Variants in ZXDC observed in about 807,000 individuals in gnomAD.
ZXDC encodes zinc finger protein ZXDC.
In ZXDC, 58 loss-of-function variants were observed where a neutral mutation model predicts 63.6. The ratio of observed to expected loss-of-function variants is 0.91; its 90% CI spans 0.74 to 1.13. The LOEUF (loss-of-function observed/expected upper bound fraction) is 1.13, where lower values mean the gene tolerates loss of function less well. Among genes scored for constraint, ZXDC ranks in the 50% most tolerant of loss-of-function variants. ZXDC has a pLI of 0.00. For missense variants in ZXDC, 1,133 were observed against 1,148.9 expected, an observed-to-expected ratio of 0.99 and a Z score of 0.20; for synonymous variants, 561 against 496.1, an observed-to-expected ratio of 1.13 and a Z score of -1.74.
In ZXDC at chr3:126,461,667, C is replaced by T. The variant is rs752081213; in HGVS notation, c.1995G>A (p.Ser665=). Residue 665 remains serine (S), a synonymous_variant, in exon 6 of 10, where the codon TCG becomes TCA. Coordinates refer to ENST00000389709, the MANE Select transcript of ZXDC (RefSeq NM_025112.5). The part of the protein sequence containing the change: ...LLAPIKVEPD[S]PSRPGAVGQQ... ...GCCCAACTGCTCCTGGGCGAGAAGGCGAGTCCGGCTCCACCTTGATTGGAG... is the reference window on the plus strand; with the variant it reads ...GCCCAACTGCTCCTGGGCGAGAAGGTGAGTCCGGCTCCACCTTGATTGGAG... The T allele has an allele frequency of 3.1e-6, 5 of 1,613,232 alleles. No individual in the cohort carries two copies. The highest frequency in any genetic ancestry group is 1.3e-5 in the African/African-American group (1 of 74,618).
At chr3:126,451,622 C>A (rs1310866244) in intron 7 of ZXDC, 2 of 985,324 alleles carry the variant, frequency 2.0e-6, no homozygotes, top group Non-Finnish European at 2.4e-6. Flanking sequence ...GGGCTCCTGT[C>A]ACCTGGGAAG....
chr3:126,453,720 G>A, intron 7 of ZXDC: 1 of 983,102 alleles, frequency 1.0e-6, no homozygotes, highest in Non-Finnish European at 1.2e-6. Flanking sequence ...TGGCGAAGGA[G>A]TTTCGCTCTT....
chr3:126,459,814 T>C, intron 6 of ZXDC, 77 bp from the exon 7 acceptor site: 4 of 1,610,530 alleles, frequency 2.5e-6, no homozygotes, highest in Non-Finnish European at 3.4e-6. Flanking sequence ...AGAAGTGCCA[T>C]AAGCCTGCTT....
At chr3:126,453,956 G>A in intron 7 of ZXDC, 3 of 978,932 alleles carry the variant, frequency 3.1e-6, no homozygotes, top group Non-Finnish European at 3.6e-6. Context: ...AGAAAACATA[G>A]TACTGCCTAT....
At chr3:126,474,044 G>A (rs1414648611) in intron 1 of ZXDC, among the ~76,000 whole-genome samples, 3 of 149,478 alleles carry the variant, frequency 2.0e-5, no homozygotes, top group Non-Finnish European at 3.0e-5. Flanking sequence ...ACACACAGGA[G>A]AAAGAACAGG....
intron 8 of ZXDC, chr3:126,440,654 G>A (rs1933640731): frequency 1.0e-6 from 1 of 986,006 alleles, no homozygotes. Flanking sequence ...CTGCTCCTGG[G>A]GAGTTCTTAC....
chr3:126,461,929 A>G lies in ZXDC; in HGVS notation c.1733T>C (p.Leu578Pro), dbSNP rs1404635875. Residue 578 changes from leucine (L) to proline (P), a missense_variant, in exon 6 of 10, where the codon CTG (leucine) becomes CCG (proline). Transcript: ENST00000389709. Reference sequence around the variant, plus strand: ...TGTCCCGAGAACCAGAGGGCTGTCCAGGCTTGGGGGAATATCACTGTGGGC... The same window carrying G: ...TGTCCCGAGAACCAGAGGGCTGTCCGGGCTTGGGGGAATATCACTGTGGGC... ...LVAHSDIPPSLDSPLVLGTAA... is the reference protein window; with the variant it reads ...LVAHSDIPPSPDSPLVLGTAA... 4 of 1,613,994 alleles carry G rather than the reference A, an allele frequency of 2.5e-6. No homozygotes were observed. In the African/African-American group the frequency reaches 5.3e-5, roughly 22 times the overall value.
At chr3:126,471,110 CA>C in intron 3 of ZXDC, 85 bp from the exon 4 acceptor site, 1 of 1,509,532 alleles carries the variant, frequency 6.6e-7, no homozygotes, top group Non-Finnish European at 9.0e-7. Flanking sequence ...TACCAAAACA[CA>C]AACTTTGCAT....
intron 7 of ZXDC, chr3:126,454,498 C>A: frequency 2.0e-6 from 2 of 985,274 alleles, no homozygotes; most frequent in Non-Finnish European, 2.4e-6. Flanking sequence ...TTTATTTTAC[C>A]CTGTCTTAAT....
rs762654557 is a variant in ZXDC at position 126,475,523 on chromosome 3, G to A, written c.343C>T (p.Pro115Ser). The change falls in exon 1 of 10, where the codon CCG becomes TCG. Residue 115 changes from proline to serine, a missense_variant. By Grantham distance (74) the Pro-to-Ser change is moderately conservative. Coordinates refer to ENST00000389709, the MANE Select transcript of ZXDC (RefSeq NM_025112.5). ...ASRPEQGPSG[P>S]AAPPGPGVAP... Reference sequence around the variant, plus strand: ...ACGCCAGGGCCGGGGGGGGCGGCCGGGCCGCTGGGGCCCTGCTCGGGGCGG... The same window carrying A: ...ACGCCAGGGCCGGGGGGGGCGGCCGAGCCGCTGGGGCCCTGCTCGGGGCGG... The A allele has an allele frequency of 7.9e-6, 10 of 1,259,626 alleles. No homozygotes were observed. The highest frequency in any genetic ancestry group is 8.0e-6 in the Non-Finnish European group (8 of 1,005,004). 78.0% of individuals were successfully genotyped at this position (1,259,626 alleles called of 1,614,324 possible). A position where few individuals can be genotyped will look rare whatever the true frequency, so the allele number is the denominator to read the frequency against.
At chr3:126,462,408 G>A (rs1934594609) in intron 5 of ZXDC, among the ~76,000 whole-genome samples, 188 bp from the exon 6 acceptor site, 1 of 152,128 alleles carries the variant, frequency 6.6e-6, no homozygotes, top group South Asian at 2.1e-4. Context: ...ACACACCCCA[G>A]GAAGGGACAG....
chr3:126,456,168 A>G (rs1211552007), intron 7 of ZXDC, among the ~76,000 whole-genome samples: 1 of 152,260 alleles, frequency 6.6e-6, no homozygotes, highest in Non-Finnish European at 1.5e-5. Flanking sequence ...TGAGTGTTAC[A>G]TGAGAGGAAA....
chr3:126,475,582 T>A lies in ZXDC; in HGVS notation c.284A>T (p.Glu95Val), dbSNP rs1021763841. 4 of 1,449,764 alleles carry A rather than the reference T, an allele frequency of 2.8e-6. No homozygotes were observed. The allele number at this position is 1,449,764 out of a possible 1,614,324, so 89.8% of individuals were successfully genotyped here. A position where few individuals can be genotyped will look rare whatever the true frequency, so the allele number is the denominator to read the frequency against. ...GAAAEAAGSQ[E>V]AEPGSRVNLA... Reference sequence around the variant, plus strand: ...GTTGACACGGGAGCCAGGCTCGGCCTCCTGTGATCCGGCAGCCTCGGCGGC... The same window carrying A: ...GTTGACACGGGAGCCAGGCTCGGCCACCTGTGATCCGGCAGCCTCGGCGGC... The change falls in exon 1 of 10, where the codon GAG becomes GTG. Residue 95 changes from glutamate to valine, a missense_variant. Glu to Val is a moderately radical substitution (Grantham distance 121). Coordinates refer to ENST00000389709, the MANE Select transcript of ZXDC (RefSeq NM_025112.5).
At chr3:126,454,719 T>G (rs557456000) in intron 7 of ZXDC, 2 of 985,486 alleles carry the variant, frequency 2.0e-6, no homozygotes, top group South Asian at 9.4e-5. Context: ...TTCCCTTCTC[T>G]GCCCTTAGAC....
Position 126,437,942 on chromosome 3 carries a change from T to TG in ZXDC, c.*432dup, listed in dbSNP as rs1425891592. The TG allele has an allele frequency of 5.8e-6, 1 of 173,494 alleles. No homozygotes were observed. The highest frequency in any genetic ancestry group is 1.8e-4 in the East Asian group (1 of 5,544). 10.7% of individuals were successfully genotyped at this position (173,494 alleles called of 1,614,324 possible). On this transcript the variant is annotated 3_prime_UTR_variant, in exon 10 of 10. Coordinates refer to ENST00000389709, the MANE Select transcript of ZXDC (RefSeq NM_025112.5). ...TGCCCACAAACCCCATCCCAGGTGC[T>TG]GGGATGCTAACACACTGAAGCTGAA...
At chr3:126,446,218 A>G (rs1425786625) in intron 7 of ZXDC, among the ~76,000 whole-genome samples, 1 of 152,192 alleles carries the variant, frequency 6.6e-6, no homozygotes, top group African/African-American at 2.4e-5. Flanking sequence ...TGGGGAGAGG[A>G]GCAGTATAAA....
At chr3:126,448,588 G>A (rs1933971249) in intron 7 of ZXDC, among the ~76,000 whole-genome samples, 1 of 152,192 alleles carries the variant, frequency 6.6e-6, no homozygotes, top group South Asian at 2.1e-4. Context: ...GCATGGCACG[G>A]CCATGCACTA....
chr3:126,443,545 C>G (rs775091776), intron 7 of ZXDC: 3 of 152,224 alleles, frequency 2.0e-5, no homozygotes, highest in Non-Finnish European at 4.4e-5. Flanking sequence ...TGAGAACATG[C>G]TGTTGGAAAA....
rs924213828 is a variant in ZXDC, at chr3:126,474,265, C to T, written c.907+694G>A. ...AGTTTTAATAGAGACGGGGTTTCAC[C>T]GTGTTAGCCAGGATGGTCTCGATCT... On this transcript the variant is annotated intron_variant, in intron 1 of 9. Transcript: ENST00000389709. 2.6e-5 allele frequency among the ~76,000 whole-genome samples: 4 copies of T among 152,016 alleles called. No individual in the cohort carries two copies. The East Asian group carries it at 7.7e-4, about 29-fold the overall frequency.
Sources: allele counts gnomAD v4.1 joint callset (sites outside exome capture counted in the v4.1 genomes callset), GRCh38; gene constraint gnomAD v4.1.1; transcripts MANE v1.5; gene names NCBI Gene and HGNC (gene_info 2026-07-23, HGNC 2026-07-21).